Variants in MSRA observed in about 807,000 individuals in gnomAD.
MSRA encodes methionine sulfoxide reductase A.
Under a neutral mutation model 31.3 loss-of-function variants are expected in MSRA, and 54 were observed. That is an observed-to-expected ratio of 1.73 (90% CI 1.39 to 2.17). MSRA has a LOEUF of 2.17. Ranked by LOEUF, MSRA falls within the 30% of genes most tolerant of loss-of-function variation. MSRA has a pLI of 0.00. For missense variants in MSRA, 507 were observed against 300.9 expected (o/e 1.69, Z -5.07); for synonymous variants, 169 against 116.5 (o/e 1.45, Z -2.90).
intron 1 of MSRA, among the ~76,000 whole-genome samples, chr8:10,138,513 G>A (rs959320228): frequency 2.0e-5 from 3 of 152,158 alleles, no homozygotes; most frequent in Non-Finnish European, 2.9e-5. Context: ...TAAGACGGCT[G>A]CTTTCATGTC....
intron 3 of MSRA, among the ~76,000 whole-genome samples, chr8:10,288,037 G>A (rs575398148): frequency 6.6e-6 from 1 of 152,184 alleles, no homozygotes; most frequent in South Asian, 2.1e-4. Context: ...TAAATACTTA[G>A]TGAATGAATC....
At chr8:10,189,901 C>G (rs1427101121) in intron 1 of MSRA, among the ~76,000 whole-genome samples, 1 of 152,068 alleles carries the variant, frequency 6.6e-6, no homozygotes, top group Non-Finnish European at 1.5e-5. Context: ...TTGATATTAT[C>G]TCTTGCTTGA....
chr8:10,316,267 G>T (rs1029223285), intron 4 of MSRA, among the ~76,000 whole-genome samples: 1 of 151,278 alleles, frequency 6.6e-6, no homozygotes, highest in African/African-American at 2.4e-5. Flanking sequence ...TTTACAAATC[G>T]GAATAATAGT....
chr8:10,428,540 G>A lies in MSRA; in HGVS notation c.*228G>A, dbSNP rs3750315. 63,921 of 485,676 alleles carry A rather than the reference G, an allele frequency of 0.13. 10,186 individuals carry two copies. Among genetic ancestry groups the A allele is most frequent in the African/African-American group, 0.45 (22,894 of 50,872 alleles). 30.1% of individuals were successfully genotyped at this position (485,676 alleles called of 1,614,324 possible). A position where few individuals can be genotyped will look rare whatever the true frequency, so the allele number is the denominator to read the frequency against. On this transcript the variant is annotated 3_prime_UTR_variant, in exon 6 of 6. Transcript: ENST00000317173. ...TGGGAGTGGAGCTGTGCAGTTTCCT[G>A]TGTCTTCTGGGGTCTGAGTGAAGAT...
intron 1 of MSRA, among the ~76,000 whole-genome samples, chr8:10,061,009 A>G (rs894007733): frequency 6.6e-6 from 1 of 152,228 alleles, no homozygotes; most frequent in South Asian, 2.1e-4. Context: ...AAATTGTAGG[A>G]TACAGAATTG....
intron 5 of MSRA, among the ~76,000 whole-genome samples, chr8:10,368,161 G>C (rs1420873653): frequency 2.6e-5 from 4 of 152,208 alleles, no homozygotes; most frequent in African/African-American, 7.2e-5. Context: ...CGTGGGACAA[G>C]TGTACCTTCA....
chr8:10,259,151 T>A (rs1339961964), intron 3 of MSRA, among the ~76,000 whole-genome samples: 1 of 152,082 alleles, frequency 6.6e-6, no homozygotes, highest in Non-Finnish European at 1.5e-5. Context: ...CTGTTGCCTT[T>A]GACCTTGTCA....
At chr8:10,290,179 C>T (rs1800155711) in intron 3 of MSRA, among the ~76,000 whole-genome samples, 1 of 152,170 alleles carries the variant, frequency 6.6e-6, no homozygotes, top group Non-Finnish European at 1.5e-5. Context: ...ATGCCTTCAG[C>T]CTTCTTAAAA....
chr8:10,390,781 T>C (rs1806692741), intron 5 of MSRA, among the ~76,000 whole-genome samples: 1 of 151,970 alleles, frequency 6.6e-6, no homozygotes, highest in African/African-American at 2.4e-5. Context: ...AACTACATGT[T>C]AAAACAGCAC....
At chr8:10,055,984 A>T (rs1294427075) in intron 1 of MSRA, among the ~76,000 whole-genome samples, 2 of 152,124 alleles carry the variant, frequency 1.3e-5, no homozygotes, top group East Asian at 3.8e-4. Flanking sequence ...ACAAATCTAG[A>T]TTAGTAAACA....
intron 1 of MSRA, among the ~76,000 whole-genome samples, chr8:10,182,203 C>A (rs1279493313): frequency 6.6e-6 from 1 of 152,040 alleles, no homozygotes; most frequent in Non-Finnish European, 1.5e-5. Context: ...ATTCCTGACC[C>A]CAATTCCAGA....
chr8:10,155,493 A>G (rs932506650), intron 1 of MSRA, among the ~76,000 whole-genome samples: 8 of 152,186 alleles, frequency 5.3e-5, no homozygotes, highest in Non-Finnish European at 1.2e-4. Context: ...GTATCAGCTG[A>G]AGAGCGTAGA....
intron 5 of MSRA, among the ~76,000 whole-genome samples, chr8:10,395,874 C>T (rs1455350594): frequency 6.6e-6 from 1 of 152,188 alleles, no homozygotes. Context: ...AGGCACACAT[C>T]CCCCTTCTGT....
intron 5 of MSRA, among the ~76,000 whole-genome samples, chr8:10,398,310 G>T (rs1438038065): frequency 6.6e-6 from 1 of 152,190 alleles, no homozygotes; most frequent in African/African-American, 2.4e-5. Flanking sequence ...GAAAGGGCTG[G>T]ATTCTGCCTT....
intron 2 of MSRA, among the ~76,000 whole-genome samples, chr8:10,221,760 G>T (rs1327213281): frequency 6.6e-6 from 1 of 152,122 alleles, no homozygotes; most frequent in African/African-American, 2.4e-5. Context: ...GCTAGGCTAG[G>T]TTGAGGGGTT....
intron 4 of MSRA, among the ~76,000 whole-genome samples, chr8:10,315,657 G>A (rs6994060): frequency 0.14 from 20,608 of 152,240 alleles, 1,623 homozygotes; most frequent in African/African-American, 0.2. Context: ...ATGTGTGCTT[G>A]GTACTGATTT....
At chr8:10,425,437 G>A (rs575397744) in intron 5 of MSRA, among the ~76,000 whole-genome samples, 10 of 152,238 alleles carry the variant, frequency 6.6e-5, no homozygotes, top group Non-Finnish European at 1.3e-4. Context: ...AGGTGGCTGC[G>A]AAGGGAGGAG....
intron 5 of MSRA, among the ~76,000 whole-genome samples, chr8:10,394,672 G>C (rs1261239208): frequency 6.6e-6 from 1 of 152,220 alleles, no homozygotes; most frequent in Non-Finnish European, 1.5e-5. Context: ...CCAAAGCCAC[G>C]CTTCCGCTGT....
chr8:10,349,919 T>C (rs1804020099), intron 5 of MSRA, among the ~76,000 whole-genome samples: 1 of 152,220 alleles, frequency 6.6e-6, no homozygotes, highest in African/African-American at 2.4e-5. Flanking sequence ...CCCCTTTTGT[T>C]ACAGACACAC....
Sources: allele counts gnomAD v4.1 joint callset (sites outside exome capture counted in the v4.1 genomes callset), GRCh38; gene constraint gnomAD v4.1.1; transcripts MANE v1.5; gene names NCBI Gene and HGNC (gene_info 2026-07-23, HGNC 2026-07-21).